SPIRE2: variants seen among roughly 807,000 people sequenced by gnomAD.
SPIRE2 encodes spire type actin nucleation factor 2.
SPIRE2 carries 76 observed loss-of-function variants against 80.7 expected under a neutral mutation model. The ratio of observed to expected loss-of-function variants is 0.94; its 90% CI spans 0.78 to 1.14. SPIRE2 has a LOEUF of 1.14. SPIRE2 is among the 50% of genes most tolerant of loss of function. SPIRE2 has a pLI of 0.00. For missense variants in SPIRE2, 1,196 were observed against 1,015.3 expected, an observed-to-expected ratio of 1.18 and a Z score of -2.42; for synonymous variants, 535 against 432.6, an observed-to-expected ratio of 1.24 and a Z score of -2.94.
chr16:89,828,515 C>A lies in SPIRE2; in HGVS notation c.-36C>A. The stretch of plus-strand genomic sequence containing the variant: ...GGCGGAAGGCGCGGCTGCATGGACG[C>A]GGGTCCGGCGCGCGGGAGGCGATGA... On this transcript the variant is annotated 5_prime_UTR_variant, in exon 1 of 15. Coordinates refer to ENST00000378247, the MANE Select transcript of SPIRE2 (RefSeq NM_032451.2). This position sits in a 1 kb window ranked among gnomAD's most constrained non-coding sequence, Gnocchi z 5.9. 1 of 1,025,650 alleles carries A rather than the reference C, an allele frequency of 9.7e-7. No homozygotes were observed. The highest frequency in any genetic ancestry group is 4.5e-5 in the South Asian group (1 of 22,418). 63.5% of individuals were successfully genotyped at this position (1,025,650 alleles called of 1,614,324 possible).
intron 13 of SPIRE2, among the ~76,000 whole-genome samples, chr16:89,868,822 T>TA (rs2041811172): frequency 6.6e-6 from 1 of 151,832 alleles, no homozygotes. Context: ...GCCACTGCAC[T>TA]ACAGCCTGGG....
intron 12 of SPIRE2, among the ~76,000 whole-genome samples, chr16:89,865,535 AAAG>A (rs2041781702): frequency 1.3e-5 from 2 of 152,200 alleles, no homozygotes; most frequent in Non-Finnish European, 2.9e-5. Flanking sequence ...AAAGGTAGGA[AAAG>A]AAGGAGAACA....
intron 2 of SPIRE2, 106 bp downstream of exon 2, chr16:89,845,471 G>A: frequency 9.3e-7 from 1 of 1,071,874 alleles, no homozygotes; most frequent in Non-Finnish European, 1.4e-6. Context: ...GTTTCAGGGA[G>A]GCAGGGTGCA....
At chr16:89,846,961 A>C (rs2041567578) in intron 2 of SPIRE2, 2 of 150,940 alleles carry the variant, frequency 1.3e-5, no homozygotes, top group African/African-American at 4.9e-5. Flanking sequence ...AAAGTTTTTC[A>C]TGCCCAAGTG....
In SPIRE2 at chr16:89,829,771, G is replaced by C. The variant is rs1259124825; in HGVS notation, c.244+977G>C. Among the ~76,000 whole-genome samples the C allele has an allele frequency of 3.3e-5, 5 of 151,472 alleles. 2 individuals are homozygous for C. Among genetic ancestry groups the C allele is most frequent in the Non-Finnish European group, 7.4e-5 (5 of 67,514 alleles). On this transcript the variant is annotated intron_variant, in intron 1 of 14. Transcript: ENST00000378247. Reference sequence around the variant, plus strand: ...TTTGCAGTATCCCACACAGGTGACAGCAAGAGCAGGCCCTGAGGTTTTACT... The same window carrying C: ...TTTGCAGTATCCCACACAGGTGACACCAAGAGCAGGCCCTGAGGTTTTACT...
chr16:89,841,814 C>T (rs2041508539), intron 1 of SPIRE2, among the ~76,000 whole-genome samples: 1 of 152,096 alleles, frequency 6.6e-6, no homozygotes, highest in African/African-American at 2.4e-5. Flanking sequence ...TCTCTTGCCT[C>T]AGCCTCCCAA....
In SPIRE2 at chr16:89,868,176, T is replaced by C. The variant is rs750356743; in HGVS notation, c.1779-13T>C. On this transcript the variant is annotated splice_polypyrimidine_tract_variant and intron_variant, in intron 12 of 14. Coordinates refer to ENST00000378247, the MANE Select transcript of SPIRE2 (RefSeq NM_032451.2). ...CTCCCTGCTGATGCTGCATTTCCTCTGTTCCCTTCCAGAGCCGTCTGCACT... is the reference window on the plus strand; with the variant it reads ...CTCCCTGCTGATGCTGCATTTCCTCCGTTCCCTTCCAGAGCCGTCTGCACT... 12 of 1,614,128 alleles carry C rather than the reference T, an allele frequency of 7.4e-6. No homozygotes were observed. The East Asian group carries it at 2.7e-4, about 36-fold the overall frequency.
chr16:89,837,673 C>T (rs894785674), intron 1 of SPIRE2, among the ~76,000 whole-genome samples: 4 of 151,590 alleles, frequency 2.6e-5, no homozygotes, highest in Admixed American at 2.6e-4. Flanking sequence ...CAACACACGC[C>T]TCCCGGACTC....
intron 8 of SPIRE2, 137 bp downstream of exon 8, chr16:89,858,644 C>T (rs1312340372): frequency 3.6e-6 from 3 of 826,688 alleles, no homozygotes; most frequent in Non-Finnish European, 5.2e-6. Context: ...TTGAAACTGA[C>T]ATCCTGCCGT....
intron 13 of SPIRE2, 52 bp from the exon 14 acceptor site, chr16:89,869,515 C>A (rs2143834423): frequency 1.5e-6 from 2 of 1,292,214 alleles, no homozygotes; most frequent in Non-Finnish European, 2.2e-6. Flanking sequence ...ACTGAGTGTA[C>A]CTGAATGTCT....
At position 89,828,600 on chromosome 16, in the gene SPIRE2, CG is replaced by C; in HGVS notation, c.52del (p.Glu18SerfsTer11). The C allele has an allele frequency of 8.1e-7, 1 of 1,232,124 alleles. No individual in the cohort carries two copies. 76.3% of individuals were successfully genotyped at this position (1,232,124 alleles called of 1,614,324 possible). A position where few individuals can be genotyped will look rare whatever the true frequency, so the allele number is the denominator to read the frequency against. On this transcript the variant is annotated frameshift_variant, in exon 1 of 15. Transcript: ENST00000378247. LOFTEE classifies it high-confidence loss of function. This position sits in a 1 kb window ranked among gnomAD's most constrained non-coding sequence, Gnocchi z 5.9. ...CGGAAAGAGRPEPWELSLEEV... is the reference protein window; with the variant it reads ...CGGAAAGAGRXEPWELSLEEV... ...GGCGCCGCGGCGGGCGCAGGGCGGC[CG>C]GAGCCCTGGGAGCTGTCCCTGGAGG...
chr16:89,854,183 G>C, intron 3 of SPIRE2, 103 bp from the exon 4 acceptor site: 1 of 1,069,064 alleles, frequency 9.4e-7, no homozygotes, highest in Non-Finnish European at 1.4e-6. Flanking sequence ...CCGGCTGGTC[G>C]AGTGGAGCCC....
At chr16:89,851,289 C>A (rs1203241744) in intron 3 of SPIRE2, among the ~76,000 whole-genome samples, 1 of 152,180 alleles carries the variant, frequency 6.6e-6, no homozygotes. Flanking sequence ...ACCAGCCTCT[C>A]CAGGCCCTGG....
At chr16:89,838,650 C>T (rs1005478308) in intron 1 of SPIRE2, among the ~76,000 whole-genome samples, 5 of 152,200 alleles carry the variant, frequency 3.3e-5, no homozygotes, top group Admixed American at 3.3e-4. Flanking sequence ...GACTTGGGTG[C>T]TGCGGGCTTA....
chr16:89,854,709 G>A (rs34688108), intron 5 of SPIRE2, 58 bp downstream of exon 5: 16,858 of 1,450,678 alleles, frequency 0.012, 347 homozygotes, highest in South Asian at 0.062. Context: ...TGAGCGGGGC[G>A]GACGCAGATG....
chr16:89,842,340 G>A (rs1047012152), intron 1 of SPIRE2, among the ~76,000 whole-genome samples: 14 of 149,174 alleles, frequency 9.4e-5, no homozygotes, highest in Middle Eastern at 3.6e-3. Flanking sequence ...AGCCTCCCAA[G>A]TAGCTGGGAT....
At chr16:89,868,612 C>T (rs2041809593) in intron 13 of SPIRE2, among the ~76,000 whole-genome samples, 1 of 152,032 alleles carries the variant, frequency 6.6e-6, no homozygotes, top group Non-Finnish European at 1.5e-5. Context: ...ACCTGTAATC[C>T]CAGCATTTTG....
Position 89,828,871 on chromosome 16 carries a change from C to A in SPIRE2, c.244+77C>A. The A allele has an allele frequency of 9.0e-7, 1 of 1,109,194 alleles. No individual in the cohort carries two copies. Among genetic ancestry groups the A allele is most frequent in the South Asian group, 4.5e-5 (1 of 22,406 alleles). 68.7% of individuals were successfully genotyped at this position (1,109,194 alleles called of 1,614,324 possible). On this transcript the variant is annotated intron_variant, in intron 1 of 14. Coordinates refer to ENST00000378247, the MANE Select transcript of SPIRE2 (RefSeq NM_032451.2). The surrounding 1 kb of genome is among the most constrained non-coding windows in gnomAD (Gnocchi z 5.9). ...CCCGCCCCCTGGGTGGGGGTGGTCC[C>A]GGCGGAGAGGCTGCGACCGGTTCTG...
At chr16:89,867,169 G>C (rs2041797010) in intron 12 of SPIRE2, among the ~76,000 whole-genome samples, 1 of 151,388 alleles carries the variant, frequency 6.6e-6, no homozygotes, top group Admixed American at 6.6e-5. Flanking sequence ...TTTTGAGACA[G>C]AGTCTCTCTC....
Sources: allele counts gnomAD v4.1 joint callset (sites outside exome capture counted in the v4.1 genomes callset), GRCh38; gene constraint gnomAD v4.1.1; non-coding constraint Gnocchi (gnomAD v3.1); transcripts MANE v1.5; gene names NCBI Gene and HGNC (gene_info 2026-07-23, HGNC 2026-07-21).